The following FER variants were observed in gnomAD, a reference collection of about 807,000 sequenced individuals.
FER encodes the protein FER tyrosine kinase, also known as tyrosine-protein kinase Fer.
A neutral mutation model predicts 111.0 loss-of-function variants in FER; 63 were observed. The observed-to-expected ratio is 0.57, with a 90% CI of 0.46 to 0.70. The LOEUF (loss-of-function observed/expected upper bound fraction) is 0.70. Ranked by LOEUF, FER falls within the 30% of genes least tolerant of loss-of-function variation. FER has a pLI of 0.00. For synonymous variants in FER, 327 were observed against 313.9 expected (o/e 1.04, Z -0.44); for missense variants, 914 against 954.0 (o/e 0.96, Z 0.55).
intron 10 of FER, among the ~76,000 whole-genome samples, chr5:108,936,403 T>C (rs1026110335): frequency 1.3e-5 from 2 of 152,032 alleles, no homozygotes; most frequent in African/African-American, 4.8e-5. Flanking sequence ...GTCTTCATGG[T>C]TATAAGTCTG....
chr5:108,859,861 G>C (rs1161135293), intron 5 of FER, among the ~76,000 whole-genome samples: 1 of 151,398 alleles, frequency 6.6e-6, no homozygotes, highest in Non-Finnish European at 1.5e-5. Context: ...AATGTTTCTT[G>C]ATAAATCAAA....
rs6889550 is a variant in FER at position 108,762,146 on chromosome 5, G to A, written c.-205-5947G>A. 1.4e-3 allele frequency among the ~76,000 whole-genome samples: 206 copies of A among 151,878 alleles called. 1 individual carries two copies. Among genetic ancestry groups the A allele is most frequent in the African/African-American group, 3.7e-3 (155 of 41,424 alleles). ...GTCAGGCTGGTCTTGAACTCCTTAC[G>A]TCAGGCAATCTGCCTGCCTTGTGGT... On this transcript the variant is annotated intron_variant, in intron 1 of 19. Coordinates refer to ENST00000281092, the MANE Select transcript of FER (RefSeq NM_005246.4).
chr5:108,948,844 G>C (rs1451408300), intron 11 of FER, among the ~76,000 whole-genome samples: 1 of 152,012 alleles, frequency 6.6e-6, no homozygotes, highest in Non-Finnish European at 1.5e-5. Context: ...TCTGATAGTA[G>C]CAGTCTTTGA....
At chr5:108,774,729 C>T (rs1267399985) in intron 2 of FER, among the ~76,000 whole-genome samples, 1 of 151,186 alleles carries the variant, frequency 6.6e-6, no homozygotes, top group Admixed American at 6.7e-5. Flanking sequence ...CCTTTGCCCA[C>T]TTTTAGAAGG....
intron 13 of FER, among the ~76,000 whole-genome samples, chr5:108,992,029 C>CGCA (rs1182790092): frequency 6.6e-6 from 1 of 152,094 alleles, no homozygotes; most frequent in Non-Finnish European, 1.5e-5. Context: ...TGCGGCCTTC[C>CGCA]GCAGTGTTTG....
At chr5:108,983,106 A>C (rs2149726101) in intron 13 of FER, among the ~76,000 whole-genome samples, 2 of 152,138 alleles carry the variant, frequency 1.3e-5, no homozygotes, top group Admixed American at 1.3e-4. Context: ...TGAATGAGTG[A>C]ATTGATAAAT....
chr5:108,768,027 A>C (rs2149955779), intron 1 of FER, 66 bp from the exon 2 acceptor site: 1 of 152,326 alleles, frequency 6.6e-6, no homozygotes, highest in East Asian at 1.9e-4. Flanking sequence ...AAGTATACTG[A>C]AAGTGTACAT....
intron 13 of FER, among the ~76,000 whole-genome samples, chr5:109,005,959 G>A (rs950028401): frequency 6.2e-4 from 95 of 152,300 alleles, no homozygotes; most frequent in African/African-American, 2.3e-3. Flanking sequence ...TTAATTGAAT[G>A]AAAAGGAATT....
At chr5:108,978,249 T>C (rs1357522450) in intron 13 of FER, among the ~76,000 whole-genome samples, 2 of 152,192 alleles carry the variant, frequency 1.3e-5, no homozygotes, top group African/African-American at 4.8e-5. Flanking sequence ...CTAATGAATC[T>C]ACATTACTCA....
In FER at chr5:109,190,230, G is replaced by A. The variant is rs1759283029; in HGVS notation, c.*2655G>A. Reference sequence around the variant, plus strand: ...GTTCAGAATGTGCAAGTTGATGTAGGGAAAGGAAGATTCAGAAATGTACAA... The same window carrying A: ...GTTCAGAATGTGCAAGTTGATGTAGAGAAAGGAAGATTCAGAAATGTACAA... On this transcript the variant is annotated 3_prime_UTR_variant, in exon 20 of 20. Coordinates refer to ENST00000281092, the MANE Select transcript of FER (RefSeq NM_005246.4). 1 of 152,036 alleles carries A rather than the reference G, an allele frequency of 6.6e-6. No homozygotes were observed. The highest frequency in any genetic ancestry group is 1.5e-5 in the Non-Finnish European group (1 of 67,990). 9.4% of individuals were successfully genotyped at this position (152,036 alleles called of 1,614,324 possible).
At chr5:109,147,828 C>CA (rs1487479718) in intron 17 of FER, among the ~76,000 whole-genome samples, 4 of 136,898 alleles carry the variant, frequency 2.9e-5, no homozygotes, top group Non-Finnish European at 6.5e-5. Flanking sequence ...GAGAGAGAGA[C>CA]AGAGACAGAG....
At chr5:109,117,937 A>G (rs2126467648) in intron 17 of FER, among the ~76,000 whole-genome samples, 1 of 152,180 alleles carries the variant, frequency 6.6e-6, no homozygotes, top group African/African-American at 2.4e-5. Context: ...CTAGATATAC[A>G]ATCATGTCAT....
intron 10 of FER, among the ~76,000 whole-genome samples, chr5:108,923,622 T>C (rs1397934873): frequency 6.6e-6 from 1 of 152,164 alleles, no homozygotes; most frequent in Non-Finnish European, 1.5e-5. Context: ...ATAAAGCAAT[T>C]AACAAATCAT....
chr5:108,837,385 C>G (rs1333634615), intron 5 of FER, among the ~76,000 whole-genome samples: 3 of 152,138 alleles, frequency 2.0e-5, no homozygotes, highest in Admixed American at 1.3e-4. Context: ...GTATCCCTTG[C>G]TAAATCATCA....
chr5:108,786,123 T>A (rs1170853365), intron 2 of FER, among the ~76,000 whole-genome samples: 2 of 152,162 alleles, frequency 1.3e-5, no homozygotes, highest in East Asian at 3.9e-4. Context: ...GCCCTGAGAT[T>A]TACTCACTTT....
chr5:108,844,907 C>CT (rs1006779556), intron 5 of FER, among the ~76,000 whole-genome samples: 1 of 146,482 alleles, frequency 6.8e-6, no homozygotes, highest in Non-Finnish European at 1.5e-5. Context: ...ATCCATTTTC[C>CT]TGTTAATAGG....
chr5:108,767,406 T>G (rs1752439874), intron 1 of FER, among the ~76,000 whole-genome samples: 1 of 152,202 alleles, frequency 6.6e-6, no homozygotes, highest in South Asian at 2.1e-4. Flanking sequence ...TTGAAAAAGT[T>G]TTTCTTATGT....
chr5:109,016,683 A>G (rs1375644209), intron 13 of FER, among the ~76,000 whole-genome samples: 1 of 152,058 alleles, frequency 6.6e-6, no homozygotes, highest in Non-Finnish European at 1.5e-5. Context: ...TGAAATGTGT[A>G]TGTGTATACT....
chr5:108,880,861 T>C (rs946875018), intron 8 of FER, among the ~76,000 whole-genome samples: 27 of 152,278 alleles, frequency 1.8e-4, no homozygotes, highest in African/African-American at 6.0e-4. Flanking sequence ...TTTATGACGT[T>C]GTTTCACTCT....
Sources: gnomAD v4.1 joint callset for allele counts (sites outside exome capture counted in the v4.1 genomes callset) on GRCh38, gnomAD v4.1.1 for gene constraint, MANE v1.5 for transcripts, NCBI Gene and HGNC (gene_info 2026-07-23, HGNC 2026-07-21) for gene names.